Variants in FMN2 observed in about 807,000 individuals in gnomAD.
FMN2 encodes the protein formin-2.
A neutral mutation model predicts 142.3 loss-of-function variants in FMN2; 51 were observed. That is an observed-to-expected ratio of 0.36 (90% CI 0.29 to 0.45). FMN2 has a LOEUF of 0.45. Among genes scored for constraint, FMN2 ranks in the 20% least tolerant of loss-of-function variants. FMN2 has a pLI of 1.00. For synonymous variants in FMN2, 882 were observed against 869.8 expected (o/e 1.01, Z -0.25); for missense variants, 1,936 against 2,122.8 (o/e 0.91, Z 1.73).
chr1:240,155,676 G>T (rs538770181), intron 2 of FMN2, among the ~76,000 whole-genome samples: 3 of 151,972 alleles, frequency 2.0e-5, no homozygotes, highest in Non-Finnish European at 4.4e-5. Context: ...AATTCATTTT[G>T]GTGACTTACT....
At chr1:240,454,302 G>A (rs1423858374) in intron 16 of FMN2, among the ~76,000 whole-genome samples, 1 of 152,140 alleles carries the variant, frequency 6.6e-6, no homozygotes, top group Non-Finnish European at 1.5e-5. Flanking sequence ...AGCAATTTGG[G>A]AGGCTGAGGC....
intron 7 of FMN2, among the ~76,000 whole-genome samples, chr1:240,276,622 T>C (rs972682428): frequency 2.0e-5 from 3 of 152,166 alleles, no homozygotes; most frequent in Non-Finnish European, 4.4e-5. Flanking sequence ...TCTATTGGGG[T>C]GTGTGTCAGT....
intron 8 of FMN2, among the ~76,000 whole-genome samples, chr1:240,305,433 G>T (rs943170011): frequency 5.9e-5 from 9 of 152,078 alleles, no homozygotes; most frequent in African/African-American, 2.2e-4. Flanking sequence ...CTATTGTTTT[G>T]TAGTCTATAG....
At chr1:240,240,925 C>G (rs903258209) in intron 6 of FMN2, among the ~76,000 whole-genome samples, 19 of 152,100 alleles carry the variant, frequency 1.2e-4, no homozygotes, top group African/African-American at 4.6e-4. Flanking sequence ...AAGATATGTT[C>G]AAAGAATAAA....
At chr1:240,256,701 A>C (rs1055230140) in intron 6 of FMN2, among the ~76,000 whole-genome samples, 3 of 152,104 alleles carry the variant, frequency 2.0e-5, no homozygotes, top group African/African-American at 7.2e-5. Context: ...CAGTGAGCCG[A>C]GATCGTGCCA....
At chr1:240,144,646 C>T (rs1180905086) in intron 2 of FMN2, 1 of 1,291,362 alleles carries the variant, frequency 7.7e-7, no homozygotes, top group Non-Finnish European at 1.1e-6. Context: ...GGACTGAGTT[C>T]TCAGGCTCAG....
chr1:240,420,946 C>T (rs1230643168), intron 15 of FMN2, among the ~76,000 whole-genome samples: 1 of 152,146 alleles, frequency 6.6e-6, no homozygotes, highest in Non-Finnish European at 1.5e-5. Context: ...AGCTGTTAGA[C>T]CTGATGCAGG....
In FMN2 at chr1:240,207,693, G is replaced by A. The variant is rs145005157; in HGVS notation, c.2881G>A (p.Gly961Arg). ...AATACCCCCTCCGCCCCCTCTTCCC[G>A]GGGCAGGCATACCCCTTCCTCCCCC... ...AAIPPPPPLP[G>R]AGIPLPPPLP... The change falls in exon 5 of 18, where the codon GGG becomes AGG. Residue 961 changes from glycine to arginine, a missense_variant. Gly to Arg is a moderately radical substitution (Grantham distance 125). Coordinates refer to ENST00000319653, the MANE Select transcript of FMN2 (RefSeq NM_020066.5). 42 of 1,381,326 alleles carry A rather than the reference G, an allele frequency of 3.0e-5. No individual in the cohort carries two copies. The highest frequency in any genetic ancestry group is 2.0e-4 in the African/African-American group (11 of 55,396). The allele number at this position is 1,381,326 out of a possible 1,614,324, so 85.6% of individuals were successfully genotyped here. A position where few individuals can be genotyped will look rare whatever the true frequency, so the allele number is the denominator to read the frequency against.
At chr1:240,146,015 T>G (rs1200575360) in intron 2 of FMN2, among the ~76,000 whole-genome samples, 1 of 152,022 alleles carries the variant, frequency 6.6e-6, no homozygotes, top group Non-Finnish European at 1.5e-5. Flanking sequence ...ATAATCACTC[T>G]TCTTCCCAGG....
chr1:240,339,809 G>A (rs1671688782), intron 13 of FMN2, among the ~76,000 whole-genome samples: 1 of 151,592 alleles, frequency 6.6e-6, no homozygotes, highest in African/African-American at 2.4e-5. Flanking sequence ...CTCAGTTTCT[G>A]GTCTATACTA....
chr1:240,150,860 A>G (rs1663737648), intron 2 of FMN2, among the ~76,000 whole-genome samples: 1 of 152,218 alleles, frequency 6.6e-6, no homozygotes, highest in Non-Finnish European at 1.5e-5. Context: ...ATTATGCAGA[A>G]GTCCCTAAAT....
rs548263894 is a variant in FMN2, at chr1:240,311,334, ACT to A, written c.4215+16452_4215+16453del. Reference sequence around the variant, plus strand: ...GGATTAACTGTTCTGTGTTCCCATAACTTCCTAGAGGAATTTAATTGATTCAT... The same window carrying A: ...GGATTAACTGTTCTGTGTTCCCATAATCCTAGAGGAATTTAATTGATTCAT... On this transcript the variant is annotated intron_variant, in intron 8 of 17. Coordinates refer to ENST00000319653, the MANE Select transcript of FMN2 (RefSeq NM_020066.5). 2.8e-3 allele frequency among the ~76,000 whole-genome samples: 431 copies of A among 152,270 alleles called. 2 individuals are homozygous for A. Among genetic ancestry groups the A allele is most frequent in the South Asian group, 0.017 (82 of 4,832 alleles).
intron 6 of FMN2, among the ~76,000 whole-genome samples, chr1:240,221,802 C>T (rs1479939969): frequency 1.3e-5 from 2 of 149,310 alleles, no homozygotes; most frequent in Non-Finnish European, 3.0e-5. Context: ...GAAGACTTTG[C>T]CCATGCCTAT....
chr1:240,465,216 T>C (rs1396832808), intron 16 of FMN2, among the ~76,000 whole-genome samples: 1 of 152,116 alleles, frequency 6.6e-6, no homozygotes, highest in Non-Finnish European at 1.5e-5. Flanking sequence ...CTCACTTCTG[T>C]CTTTACCTGG....
At chr1:240,460,838 T>G (rs1310846225) in intron 16 of FMN2, among the ~76,000 whole-genome samples, 1 of 152,074 alleles carries the variant, frequency 6.6e-6, no homozygotes, top group Non-Finnish European at 1.5e-5. Context: ...AAACAGAGGT[T>G]TTCAACATGT....
rs1009401812 is a variant in FMN2 at position 240,166,278 on chromosome 1, G to T, written c.1783-11643G>T. Among the ~76,000 whole-genome samples, 6 of 151,768 alleles carry T rather than the reference G, an allele frequency of 4.0e-5. No individual in the cohort carries two copies. The East Asian group carries it at 1.2e-3, about 29-fold the overall frequency. On this transcript the variant is annotated intron_variant, in intron 2 of 17. Transcript: ENST00000319653. ...GAGTTTCGCTCTTGTTGCCCAGGCT[G>T]GAGTGCAATGGCACGATCTTGGCTC...
chr1:240,402,827 G>A (rs1324483372), intron 15 of FMN2, among the ~76,000 whole-genome samples: 3 of 152,130 alleles, frequency 2.0e-5, no homozygotes, highest in Admixed American at 2.0e-4. Flanking sequence ...AAAATAATGA[G>A]ACTGGGAATG....
intron 2 of FMN2, among the ~76,000 whole-genome samples, chr1:240,171,705 C>T (rs1175525855): frequency 6.6e-6 from 1 of 152,124 alleles, no homozygotes; most frequent in Admixed American, 6.5e-5. Flanking sequence ...GGTGGACACA[C>T]TATGATAAAT....
At chr1:240,418,804 G>A (rs1195424871) in intron 15 of FMN2, among the ~76,000 whole-genome samples, 1 of 152,252 alleles carries the variant, frequency 6.6e-6, no homozygotes, top group East Asian at 1.9e-4. Flanking sequence ...CAGTTACCAA[G>A]AGTGTATAGT....
Sources: allele counts gnomAD v4.1 joint callset (sites outside exome capture counted in the v4.1 genomes callset), GRCh38; gene constraint gnomAD v4.1.1; transcripts MANE v1.5; gene names NCBI Gene and HGNC (gene_info 2026-07-23, HGNC 2026-07-21).